Variants in TUB observed in about 807,000 individuals in gnomAD.
The protein encoded by TUB is TUB bipartite transcription factor, also known as tubby protein homolog.
TUB carries 33 observed loss-of-function variants against 59.7 expected under a neutral mutation model. That is an observed-to-expected ratio of 0.55 (90% CI 0.42 to 0.74). The LOEUF (loss-of-function observed/expected upper bound fraction) is 0.74. Ranked by LOEUF, TUB falls within the 30% of genes least tolerant of loss-of-function variation. The pLI is 0.00. For missense variants in TUB, 659 were observed against 672.0 expected (o/e 0.98, Z 0.21); for synonymous variants, 293 against 256.4 (o/e 1.14, Z -1.36).
intron 1 of TUB, among the ~76,000 whole-genome samples, chr11:8,081,952 G>C (rs1943575887): frequency 6.6e-6 from 1 of 152,186 alleles, no homozygotes; most frequent in South Asian, 2.1e-4. Flanking sequence ...GGCCAAAGAC[G>C]CTCCTGCTGG....
intron 1 of TUB, among the ~76,000 whole-genome samples, chr11:8,031,260 T>C (rs1374960622): frequency 6.6e-6 from 1 of 151,558 alleles, no homozygotes. Context: ...TTTGGTGGGG[T>C]CAAGAGGTAG....
chr11:8,079,577 A>G (rs2133809113), upstream of TUB, among the ~76,000 whole-genome samples: 2 of 152,288 alleles, frequency 1.3e-5, no homozygotes, highest in Middle Eastern at 6.8e-3. Flanking sequence ...GTGTTCAGAG[A>G]GCATCAATGT....
At chr11:8,100,724 T>C (rs1334996045) in intron 10 of TUB, 102 bp from the exon 11 acceptor site, 37 of 1,560,354 alleles carry the variant, frequency 2.4e-5, no homozygotes, top group South Asian at 4.5e-5. Context: ...GCCCTGGAGG[T>C]CTAGGGAAAT....
intron 1 of TUB, among the ~76,000 whole-genome samples, chr11:8,022,973 C>T (rs1251257510): frequency 6.6e-6 from 1 of 152,192 alleles, no homozygotes; most frequent in African/African-American, 2.4e-5. Context: ...TGAGTTAGCA[C>T]AAGATTCTGT....
upstream of TUB, among the ~76,000 whole-genome samples, chr11:8,034,860 C>G (rs1486329014): frequency 3.3e-5 from 5 of 152,218 alleles, no homozygotes; most frequent in Non-Finnish European, 7.3e-5. Flanking sequence ...TGGAGGGGGT[C>G]CATGTGCATG....
chr11:8,045,908 A>G (rs115827557), intron 2 of TUB, among the ~76,000 whole-genome samples: 367 of 152,066 alleles, frequency 2.4e-3, no homozygotes, highest in African/African-American at 8.0e-3. Context: ...ACTGGTGGGA[A>G]CACAGAGTAT....
At chr11:8,026,868 A>G (rs1942506628) in intron 1 of TUB, among the ~76,000 whole-genome samples, 1 of 152,210 alleles carries the variant, frequency 6.6e-6, no homozygotes, top group Non-Finnish European at 1.5e-5. Context: ...TCTTAGTAAC[A>G]TCGGGCCTTC....
intron 2 of TUB, among the ~76,000 whole-genome samples, chr11:8,066,746 C>T (rs1294874543): frequency 6.6e-6 from 1 of 152,122 alleles, no homozygotes; most frequent in Admixed American, 6.6e-5. Flanking sequence ...GTAATAACTG[C>T]GGGTGTTTGA....
At chr11:8,020,848 T>G (rs917291247) in intron 1 of TUB, among the ~76,000 whole-genome samples, 1 of 152,190 alleles carries the variant, frequency 6.6e-6, no homozygotes, top group African/African-American at 2.4e-5. Context: ...CATTCATTCA[T>G]TTATTCAACA....
chr11:8,082,203 A>G (rs1296070967), intron 1 of TUB, among the ~76,000 whole-genome samples: 2 of 152,172 alleles, frequency 1.3e-5, no homozygotes, highest in African/African-American at 2.4e-5. Flanking sequence ...ACTTGCTAGC[A>G]GGTCTATACC....
rs190324333 is a variant in TUB, at chr11:8,090,601, T to C, written c.253+370T>C. On this transcript the variant is annotated intron_variant, in intron 3 of 11. Transcript: ENST00000299506. Reference sequence around the variant, plus strand: ...ACATTCTGAGAGGAATCCGTCTCACTGTCCTGCCCCATATCAACCAGTGTC... The same window carrying C: ...ACATTCTGAGAGGAATCCGTCTCACCGTCCTGCCCCATATCAACCAGTGTC... 2.7e-4 allele frequency among the ~76,000 whole-genome samples: 41 copies of C among 152,346 alleles called. No individual in the cohort carries two copies. In the East Asian group the frequency reaches 3.9e-3, roughly 14 times the overall value.
chr11:8,051,654 CACTT>C (rs1942937160), intron 2 of TUB, among the ~76,000 whole-genome samples: 1 of 152,190 alleles, frequency 6.6e-6, no homozygotes, highest in Admixed American at 6.5e-5. Flanking sequence ...GCTTTGCACT[CACTT>C]CAATTACAGT....
intron 2 of TUB, among the ~76,000 whole-genome samples, chr11:8,063,269 T>C (rs897342225): frequency 5.3e-5 from 8 of 152,226 alleles, no homozygotes; most frequent in African/African-American, 1.2e-4. Context: ...ACGGAGTTCC[T>C]TGTGAGCATT....
chr11:8,083,277 G>T lies in TUB; in HGVS notation c.38+1729G>T, dbSNP rs534982594. Among the ~76,000 whole-genome samples the T allele has an allele frequency of 2.6e-5, 4 of 152,160 alleles. 1 individual carries two copies. Among genetic ancestry groups the T allele is most frequent in the Non-Finnish European group, 5.9e-5 (4 of 68,030 alleles). ...GATGGCAGGGTGGTGGCCATGGACC[G>T]AGGAGGGTGGGAGGGGCAGCACTTA... On this transcript the variant is annotated intron_variant, in intron 1 of 11. Coordinates refer to ENST00000299506, the MANE Select transcript of TUB (RefSeq NM_177972.3).
At chr11:8,074,959 G>A (rs1943425700) in intron 2 of TUB, among the ~76,000 whole-genome samples, 1 of 151,822 alleles carries the variant, frequency 6.6e-6, no homozygotes, top group Non-Finnish European at 1.5e-5. Flanking sequence ...TGCCCAGGCT[G>A]CTCTTGAACT....
intron 2 of TUB, among the ~76,000 whole-genome samples, chr11:8,059,080 G>A (rs1228818037): frequency 6.6e-6 from 1 of 152,202 alleles, no homozygotes; most frequent in Admixed American, 6.5e-5. Context: ...GTAGGGTGGG[G>A]TGGAGGGACA....
At chr11:8,049,592 TAGATAGATAGATAC>T (rs1942900284) in intron 2 of TUB, among the ~76,000 whole-genome samples, 1 of 144,878 alleles carries the variant, frequency 6.9e-6, no homozygotes, top group African/African-American at 2.7e-5. Context: ...GATAGATAGA[TAGATAGATAGATAC>T]ACACACACAT....
intron 1 of TUB, among the ~76,000 whole-genome samples, chr11:8,021,041 A>T (rs1212407730): frequency 6.6e-6 from 1 of 152,260 alleles, no homozygotes; most frequent in Non-Finnish European, 1.5e-5. Context: ...CTGCAAAAGC[A>T]AACCTATAAA....
upstream of TUB, among the ~76,000 whole-genome samples, chr11:8,078,847 A>C (rs1439790095): frequency 6.6e-6 from 1 of 152,010 alleles, no homozygotes; most frequent in Non-Finnish European, 1.5e-5. Flanking sequence ...ACCCATGTGC[A>C]TACACACATG....
Sources: gnomAD v4.1 joint callset for allele counts (sites outside exome capture counted in the v4.1 genomes callset) on GRCh38, gnomAD v4.1.1 for gene constraint, MANE v1.5 for transcripts, NCBI Gene and HGNC (gene_info 2026-07-23, HGNC 2026-07-21) for gene names.